The following IQCJ variants were observed in gnomAD, a reference collection of about 807,000 sequenced individuals.
IQCJ encodes the protein IQ motif containing J.
A neutral mutation model predicts 11.0 loss-of-function variants in IQCJ; 9 were observed. That is an observed-to-expected ratio of 0.82 (90% CI 0.49 to 1.43). The LOEUF is 1.43. IQCJ is among the 40% of genes most tolerant of loss of function. The pLI is 0.00. For missense variants in IQCJ, 146 were observed against 133.2 expected, an observed-to-expected ratio of 1.10 and a Z score of -0.47; for synonymous variants, 55 against 51.3, an observed-to-expected ratio of 1.07 and a Z score of -0.31.
intron 1 of IQCJ, among the ~76,000 whole-genome samples, chr3:159,145,274 A>G (rs1720861651): frequency 6.6e-6 from 1 of 152,116 alleles, no homozygotes; most frequent in African/African-American, 2.4e-5. Context: ...AGAATGGTGG[A>G]GAAAGGGTCA....
chr3:159,187,318 T>C (rs1229756131), intron 1 of IQCJ, among the ~76,000 whole-genome samples: 1 of 152,222 alleles, frequency 6.6e-6, no homozygotes, highest in Non-Finnish European at 1.5e-5. Context: ...ACTTTTGACC[T>C]CTACTTGGTC....
chr3:159,214,251 T>C (rs957021533), intron 1 of IQCJ, among the ~76,000 whole-genome samples: 1 of 152,192 alleles, frequency 6.6e-6, no homozygotes, highest in South Asian at 2.1e-4. Context: ...TCTCCGTTAA[T>C]GGAGTAAAGA....
intron 1 of IQCJ, among the ~76,000 whole-genome samples, chr3:159,192,049 A>G (rs1043199435): frequency 1.3e-5 from 2 of 152,190 alleles, no homozygotes; most frequent in African/African-American, 4.8e-5. Flanking sequence ...TGACAGTCCT[A>G]TAAGTTCAAG....
intron 1 of IQCJ, among the ~76,000 whole-genome samples, chr3:159,214,721 G>C (rs1050720401): frequency 6.6e-6 from 1 of 152,220 alleles, no homozygotes; most frequent in Non-Finnish European, 1.5e-5. Context: ...ATAAGGTGAA[G>C]TATGCGTCCA....
At chr3:159,202,004 G>A (rs141984194) in intron 1 of IQCJ, among the ~76,000 whole-genome samples, 22 of 152,284 alleles carry the variant, frequency 1.4e-4, no homozygotes, top group African/African-American at 4.6e-4. Context: ...ACATGGGTGG[G>A]TTCTATGCTG....
chr3:159,203,548 A>G (rs762021665), intron 1 of IQCJ, among the ~76,000 whole-genome samples: 6 of 152,018 alleles, frequency 3.9e-5, no homozygotes, highest in Non-Finnish European at 7.3e-5. Context: ...GAAGTAACTC[A>G]TGCATCAAAC....
intron 1 of IQCJ, among the ~76,000 whole-genome samples, chr3:159,216,856 C>T (rs1725262826): frequency 6.6e-6 from 1 of 152,120 alleles, no homozygotes; most frequent in African/African-American, 2.4e-5. Context: ...AAGTCAATAA[C>T]TTGACTTGTG....
chr3:159,094,014 G>C (rs1402301251), intron 1 of IQCJ, among the ~76,000 whole-genome samples: 3 of 151,830 alleles, frequency 2.0e-5, no homozygotes, highest in Non-Finnish European at 4.4e-5. Flanking sequence ...GCCTTTGTCA[G>C]TCATACAGGT....
At chr3:159,150,213 G>T (rs1286904486) in intron 1 of IQCJ, among the ~76,000 whole-genome samples, 2 of 152,170 alleles carry the variant, frequency 1.3e-5, no homozygotes, top group African/African-American at 4.8e-5. Context: ...TACTGATAGG[G>T]TAGTGGGTAA....
At chr3:159,134,208 A>C (rs1720157057) in intron 1 of IQCJ, among the ~76,000 whole-genome samples, 1 of 152,082 alleles carries the variant, frequency 6.6e-6, no homozygotes, top group South Asian at 2.1e-4. Context: ...TCACTTTATC[A>C]AGTCAACAAG....
intron 1 of IQCJ, among the ~76,000 whole-genome samples, chr3:159,205,142 A>G (rs1008811892): frequency 6.6e-6 from 1 of 152,212 alleles, no homozygotes; most frequent in East Asian, 1.9e-4. Flanking sequence ...GACACCAACC[A>G]CAAGTTTGGG....
intron 1 of IQCJ, among the ~76,000 whole-genome samples, chr3:159,241,125 T>C (rs1726893638): frequency 6.6e-6 from 1 of 151,570 alleles, no homozygotes; most frequent in Non-Finnish European, 1.5e-5. Context: ...AGTGAGAGAA[T>C]CTGGCCAGGA....
intron 1 of IQCJ, among the ~76,000 whole-genome samples, chr3:159,077,459 G>A (rs1235751906): frequency 6.6e-6 from 1 of 152,014 alleles, no homozygotes; most frequent in Admixed American, 6.6e-5. Flanking sequence ...TAAGTATTCA[G>A]CCAGAGAAAA....
chr3:159,216,124 T>G (rs1725218828), intron 1 of IQCJ, among the ~76,000 whole-genome samples: 1 of 143,920 alleles, frequency 6.9e-6, no homozygotes, highest in Non-Finnish European at 1.5e-5. Flanking sequence ...AGAGAAAGAA[T>G]TGAGGCTCTT....
At chr3:159,072,670 G>A (rs1715653730) in intron 1 of IQCJ, among the ~76,000 whole-genome samples, 1 of 151,906 alleles carries the variant, frequency 6.6e-6, no homozygotes, top group Non-Finnish European at 1.5e-5. Flanking sequence ...TTTACTATGG[G>A]CCAGCTATGG....
intron 1 of IQCJ, among the ~76,000 whole-genome samples, chr3:159,108,945 C>T (rs1026997351): frequency 6.6e-6 from 1 of 152,114 alleles, no homozygotes; most frequent in African/African-American, 2.4e-5. Flanking sequence ...GAGGATGGGG[C>T]CAACCAGCAT....
chr3:159,133,267 T>C (rs1429111662), intron 1 of IQCJ, among the ~76,000 whole-genome samples: 1 of 152,184 alleles, frequency 6.6e-6, no homozygotes, highest in Non-Finnish European at 1.5e-5. Context: ...CCTTCACAAA[T>C]GAAATTAATA....
intron 2 of IQCJ, among the ~76,000 whole-genome samples, chr3:159,250,998 G>A (rs1313297252): frequency 6.6e-6 from 1 of 152,192 alleles, no homozygotes; most frequent in Non-Finnish European, 1.5e-5. Context: ...CCACACAAGA[G>A]ACATTAAATA....
chr3:159,146,559 G>A (rs1287470538), intron 1 of IQCJ, among the ~76,000 whole-genome samples: 2 of 152,132 alleles, frequency 1.3e-5, no homozygotes, highest in Non-Finnish European at 2.9e-5. Context: ...AGAATCAAGG[G>A]TGTGTTCATG....
Sources: gnomAD v4.1 joint callset for allele counts (sites outside exome capture counted in the v4.1 genomes callset) on GRCh38, gnomAD v4.1.1 for gene constraint, MANE v1.5 for transcripts, NCBI Gene and HGNC (gene_info 2026-07-23, HGNC 2026-07-21) for gene names.